MALRD1: variants seen among roughly 807,000 people sequenced by gnomAD.
MALRD1 encodes the protein MAM and LDL-receptor class A domain-containing protein 1.
In MALRD1, 247 loss-of-function variants were observed where a neutral mutation model predicts 242.1. The observed-to-expected ratio is 1.02, with a 90% CI of 0.92 to 1.13. The LOEUF (loss-of-function observed/expected upper bound fraction) is 1.13. Among genes scored for constraint, MALRD1 ranks in the 50% most tolerant of loss-of-function variants. MALRD1 has a pLI of 0.00. For missense variants in MALRD1, 2,989 were observed against 2,533.1 expected (o/e 1.18, Z -3.86); for synonymous variants, 995 against 866.6 (o/e 1.15, Z -2.60).
intron 33 of MALRD1, 80 bp from the exon 34 acceptor site, chr10:19,595,114 A>C (rs1838011981): frequency 7.5e-7 from 1 of 1,339,236 alleles, no homozygotes; most frequent in Admixed American, 2.8e-5. Flanking sequence ...TACAATAAGA[A>C]ATGCAACCTG....
At chr10:19,305,246 A>G (rs1842114636) in intron 21 of MALRD1, among the ~76,000 whole-genome samples, 1 of 151,676 alleles carries the variant, frequency 6.6e-6, no homozygotes, top group African/African-American at 2.4e-5. Context: ...TAAAAATTCC[A>G]AGGAATCTAA....
At chr10:19,121,964 A>G (rs56189821) in intron 5 of MALRD1, among the ~76,000 whole-genome samples, 11,247 of 152,308 alleles carry the variant, frequency 0.074, 494 homozygotes, top group South Asian at 0.13. Flanking sequence ...TGGAGTGAGT[A>G]GTCATGAATA....
At chr10:19,541,896 C>CA (rs1269786393) in intron 32 of MALRD1, among the ~76,000 whole-genome samples, 4 of 151,856 alleles carry the variant, frequency 2.6e-5, no homozygotes, top group African/African-American at 7.3e-5. Flanking sequence ...CATAGGATGG[C>CA]AAAAAACACT....
Position 19,195,338 on chromosome 10 carries a change from C to T in MALRD1, c.1952-8390C>T, listed in dbSNP as rs148721335. 4.6e-5 allele frequency among the ~76,000 whole-genome samples: 7 copies of T among 152,278 alleles called. No homozygotes were observed. The East Asian group carries it at 1.2e-3, about 25-fold the overall frequency. On this transcript the variant is annotated intron_variant, in intron 14 of 39. Transcript: ENST00000454679. ...CTCAGCTTCCTTGATTGTTCCTTCT[C>T]ATCTTTGCTTCTTTTTCTTTCTGGC...
chr10:19,175,147 T>C (rs1835176426), intron 13 of MALRD1, 61 bp from the exon 14 acceptor site: 2 of 1,156,442 alleles, frequency 1.7e-6, no homozygotes, highest in Admixed American at 4.4e-5. Context: ...CAAAGAAATA[T>C]GATTGTAAGA....
intron 26 of MALRD1, among the ~76,000 whole-genome samples, chr10:19,361,262 T>C (rs1818642243): frequency 6.6e-6 from 1 of 152,130 alleles, no homozygotes; most frequent in South Asian, 2.1e-4. Flanking sequence ...AGAAGAGGCA[T>C]TCCCTCCATT....
chr10:19,141,110 T>A (rs1833525489), intron 10 of MALRD1, among the ~76,000 whole-genome samples: 1 of 152,216 alleles, frequency 6.6e-6, no homozygotes, highest in Non-Finnish European at 1.5e-5. Flanking sequence ...TACATATATA[T>A]GCAATATGTT....
intron 20 of MALRD1, among the ~76,000 whole-genome samples, chr10:19,281,579 A>G (rs1840812278): frequency 6.6e-6 from 1 of 152,232 alleles, no homozygotes; most frequent in Admixed American, 6.5e-5. Context: ...GAATAAACTG[A>G]GATATTGTCT....
chr10:19,559,706 A>G (rs1835881421), intron 32 of MALRD1, among the ~76,000 whole-genome samples: 1 of 152,184 alleles, frequency 6.6e-6, no homozygotes, highest in African/African-American at 2.4e-5. Flanking sequence ...AAGGCAACCT[A>G]GAGAATGGGA....
chr10:19,517,047 T>TTGACC (rs1165156712), intron 31 of MALRD1, among the ~76,000 whole-genome samples: 1 of 152,158 alleles, frequency 6.6e-6, no homozygotes, highest in Non-Finnish European at 1.5e-5. Context: ...GGGGTTTTAG[T>TTGACC]TGACCGAGTA....
At chr10:19,563,732 C>G (rs1442522788) in intron 32 of MALRD1, among the ~76,000 whole-genome samples, 1 of 152,200 alleles carries the variant, frequency 6.6e-6, no homozygotes, top group African/African-American at 2.4e-5. Context: ...AAGGCCTTAT[C>G]TGGCCAACCT....
At chr10:19,485,542 C>T (rs1331764030) in intron 29 of MALRD1, among the ~76,000 whole-genome samples, 1 of 151,686 alleles carries the variant, frequency 6.6e-6, no homozygotes, top group Non-Finnish European at 1.5e-5. Flanking sequence ...ACTGGGGAGG[C>T]TGAGGCAGGA....
intron 18 of MALRD1, among the ~76,000 whole-genome samples, chr10:19,248,983 A>G (rs923752454): frequency 1.4e-5 from 2 of 146,518 alleles, no homozygotes; most frequent in Non-Finnish European, 3.0e-5. Flanking sequence ...ATATAAATAT[A>G]TGTTATATAT....
chr10:19,596,038 CA>C (rs1245417847), intron 34 of MALRD1, among the ~76,000 whole-genome samples: 1 of 152,066 alleles, frequency 6.6e-6, no homozygotes, highest in African/African-American at 2.4e-5. Flanking sequence ...TAAGTGCTGC[CA>C]ATTTCATTTT....
intron 1 of MALRD1, among the ~76,000 whole-genome samples, chr10:19,050,888 T>A (rs1834473302): frequency 6.6e-6 from 1 of 152,184 alleles, no homozygotes; most frequent in Non-Finnish European, 1.5e-5. Context: ...GAGAAAAGGT[T>A]AACGTGAAGA....
chr10:19,474,353 C>T (rs938706931), intron 29 of MALRD1, among the ~76,000 whole-genome samples: 3 of 152,004 alleles, frequency 2.0e-5, no homozygotes, highest in Non-Finnish European at 4.4e-5. Flanking sequence ...ATCCTATTTC[C>T]AATGTACATC....
chr10:19,294,244 C>A (rs1441652601), intron 21 of MALRD1, among the ~76,000 whole-genome samples: 1 of 152,096 alleles, frequency 6.6e-6, no homozygotes, highest in South Asian at 2.1e-4. Context: ...CATTCTAACT[C>A]CTGTGAAGAA....
chr10:19,498,136 T>A (rs528421835), intron 30 of MALRD1, among the ~76,000 whole-genome samples: 1 of 152,344 alleles, frequency 6.6e-6, no homozygotes, highest in Admixed American at 6.5e-5. Context: ...GGGACGGAAG[T>A]GAATTAAACA....
At chr10:19,548,038 T>C (rs1835319666) in intron 32 of MALRD1, among the ~76,000 whole-genome samples, 1 of 143,926 alleles carries the variant, frequency 6.9e-6, no homozygotes, top group South Asian at 2.3e-4. Context: ...TTCCCTCTTG[T>C]TGGCCGGGCT....
Sources: allele counts gnomAD v4.1 joint callset (sites outside exome capture counted in the v4.1 genomes callset), GRCh38; gene constraint gnomAD v4.1.1; transcripts MANE v1.5; gene names NCBI Gene and HGNC (gene_info 2026-07-23, HGNC 2026-07-21).